BCL6: variants seen among roughly 807,000 people sequenced by gnomAD.
The protein encoded by BCL6 is BCL6 transcription repressor.
Under a neutral mutation model 59.5 loss-of-function variants are expected in BCL6, and 7 were observed. That is an observed-to-expected ratio of 0.12 (90% CI 0.07 to 0.22). The LOEUF (loss-of-function observed/expected upper bound fraction) is 0.22. BCL6 is among the 10% of genes least tolerant of loss of function. The probability of loss-of-function intolerance (pLI) is 1.00; values close to 1 mark genes in which losing one functional copy is unlikely to be tolerated. For synonymous variants in BCL6, 339 were observed against 349.7 expected, an observed-to-expected ratio of 0.97 and a Z score of 0.34; for missense variants, 685 against 939.4, an observed-to-expected ratio of 0.73 and a Z score of 3.54.
Position 187,724,939 on chromosome 3 carries a change from A to T in BCL6, c.1977+2T>A, listed in dbSNP as rs1219499986. 1 of 1,614,148 alleles carries T rather than the reference A, an allele frequency of 6.2e-7. No homozygotes were observed. On this transcript the variant is annotated splice_donor_variant, in intron 9 of 9. Coordinates refer to ENST00000406870, the MANE Select transcript of BCL6 (RefSeq NM_001706.5). LOFTEE classifies it high-confidence loss of function. Reference sequence around the variant, plus strand: ...GAGAGCGGCCTCAAGAGGCTTACGTACATGGTAAGGTTTCTCTCCTGTGTG... The same window carrying T: ...GAGAGCGGCCTCAAGAGGCTTACGTTCATGGTAAGGTTTCTCTCCTGTGTG...
intron 2 of BCL6, chr3:187,734,358 A>C (rs1332807565): frequency 6.5e-6 from 1 of 154,496 alleles, no homozygotes; most frequent in East Asian, 1.9e-4. Flanking sequence ...CTGTGTTTTA[A>C]GATTATCAGG....
At chr3:187,739,117 C>T (rs936917360) in intron 1 of BCL6, among the ~76,000 whole-genome samples, 1 of 152,210 alleles carries the variant, frequency 6.6e-6, no homozygotes, top group African/African-American at 2.4e-5. Context: ...CCCTTCCCCC[C>T]TCCTCTCCAG....
At chr3:187,730,155 G>A in intron 4 of BCL6, 134 bp from the exon 5 acceptor site, 2 of 1,251,122 alleles carry the variant, frequency 1.6e-6, no homozygotes, top group South Asian at 1.8e-5. Flanking sequence ...CTGGAGCAGG[G>A]AACCACAATT....
chr3:187,742,320 A>G (rs1711636895), intron 1 of BCL6, among the ~76,000 whole-genome samples: 1 of 152,126 alleles, frequency 6.6e-6, no homozygotes, highest in African/African-American at 2.4e-5. Flanking sequence ...CGTGGCTACC[A>G]TTTACTCAAC....
rs1020828615 is a variant in BCL6, at chr3:187,725,397, G to A, written c.1839+102C>T. The A allele has an allele frequency of 1.2e-4, 185 of 1,539,722 alleles. No individual in the cohort carries two copies. The highest frequency in any genetic ancestry group is 4.7e-4 in the Middle Eastern group (2 of 4,222). ...ACCTGCCCGCTCCGCTTGCCTGCCCGCTCCACTTGCCTGCCCACTCCTCCG... is the reference window on the plus strand; with the variant it reads ...ACCTGCCCGCTCCGCTTGCCTGCCCACTCCACTTGCCTGCCCACTCCTCCG... On this transcript the variant is annotated intron_variant, in intron 8 of 9. Transcript: ENST00000406870. The surrounding 1 kb of genome is among the most constrained non-coding windows in gnomAD (Gnocchi z 4.7).
intron 1 of BCL6, 125 bp downstream of exon 1, chr3:187,745,285 G>C (rs552118950): frequency 2.5e-6 from 1 of 398,092 alleles, no homozygotes; most frequent in Non-Finnish European, 4.4e-6. Context: ...TGGCAAGAGC[G>C]GAAAAAAAAA....
intron 1 of BCL6, among the ~76,000 whole-genome samples, chr3:187,735,823 T>G (rs75773691): frequency 0.073 from 11,145 of 151,940 alleles, 441 homozygotes; most frequent in East Asian, 0.093. Flanking sequence ...ATATTTGAAC[T>G]GTCTTCCCCC....
chr3:187,723,695 T>C (rs960592239), intron 9 of BCL6, among the ~76,000 whole-genome samples: 8 of 152,330 alleles, frequency 5.3e-5, no homozygotes, highest in African/African-American at 7.2e-5. Context: ...CTCTCTGGTC[T>C]TGGGAGACAT....
intron 1 of BCL6, among the ~76,000 whole-genome samples, chr3:187,735,250 A>G (rs1719233204): frequency 6.6e-6 from 1 of 152,240 alleles, no homozygotes; most frequent in Admixed American, 6.5e-5. Context: ...AAAAATAAGA[A>G]AAATGGTTCT....
chr3:187,724,685 C>T (rs1164954678), intron 9 of BCL6: 7 of 500,162 alleles, frequency 1.4e-5, no homozygotes, highest in Non-Finnish European at 2.5e-5. Flanking sequence ...TCCTAAGGCC[C>T]AGATCACCTA....
At chr3:187,744,857 C>T (rs566758639) in intron 1 of BCL6, among the ~76,000 whole-genome samples, 6 of 152,182 alleles carry the variant, frequency 3.9e-5, no homozygotes, top group South Asian at 4.2e-4. Flanking sequence ...AAAAACACAG[C>T]CGCACGAATC....
chr3:187,745,228 A>G (rs577316597), intron 1 of BCL6, among the ~76,000 whole-genome samples, 182 bp downstream of exon 1: 3 of 152,258 alleles, frequency 2.0e-5, no homozygotes, highest in East Asian at 1.9e-4. Context: ...ATAAATATAT[A>G]CATTTATATC....
rs576953154 is a variant in BCL6, at chr3:187,744,375, G to C, written c.-50+1035C>G. ...CCATCAGTCTCTCTCCTCGGGATGA[G>C]CAGGGAGAGCGCGCGGAGGTTCCCG... On this transcript the variant is annotated intron_variant, in intron 1 of 9. Transcript: ENST00000406870. Among the ~76,000 whole-genome samples, 9 of 151,242 alleles carry C rather than the reference G, an allele frequency of 6.0e-5. No homozygotes were observed. The South Asian group carries it at 6.3e-4, about 11-fold the overall frequency.
At chr3:187,726,969 C>G in intron 6 of BCL6, 71 bp from the exon 7 acceptor site, 1 of 1,532,580 alleles carries the variant, frequency 6.5e-7, no homozygotes, top group South Asian at 1.2e-5. Context: ...GGCCGCTCTC[C>G]TCTGTAGCTA....
intron 1 of BCL6, 115 bp downstream of exon 1, chr3:187,745,295 A>T (rs1711897016): frequency 5.0e-6 from 2 of 398,916 alleles, no homozygotes; most frequent in African/African-American, 2.1e-5. Flanking sequence ...GGAAAAAAAA[A>T]GAATTAAAAG....
At chr3:187,744,842 AG>A (rs1434153656) in intron 1 of BCL6, among the ~76,000 whole-genome samples, 1 of 152,200 alleles carries the variant, frequency 6.6e-6, no homozygotes, top group Admixed American at 6.5e-5. Context: ...GCGAGAAAAG[AG>A]GGAAAAAACA....
chr3:187,725,293 C>CTGCCCGCTCTGCTCACA lies in BCL6; in HGVS notation c.1839+205_1839+206insTGTGAGCAGAGCGGGCA, dbSNP rs1718622989. Among the ~76,000 whole-genome samples, 1 of 149,360 alleles carries CTGCCCGCTCTGCTCACA rather than the reference C, an allele frequency of 6.7e-6. No homozygotes were observed. Among genetic ancestry groups the CTGCCCGCTCTGCTCACA allele is most frequent in the Admixed American group, 6.6e-5 (1 of 15,090 alleles). On this transcript the variant is annotated intron_variant, in intron 8 of 9. Transcript: ENST00000406870. The surrounding 1 kb of genome is among the most constrained non-coding windows in gnomAD (Gnocchi z 4.7). ...CTGCTCACCTACCCGCTCTGCTCAC[C>CTGCCCGCTCTGCTCACA]TGCCCGCTCTGCTCACCTGCCCGCT...
At chr3:187,745,122 A>C (rs182227647) in intron 1 of BCL6, among the ~76,000 whole-genome samples, 2 of 152,182 alleles carry the variant, frequency 1.3e-5, no homozygotes, top group South Asian at 2.1e-4. Context: ...AAAGACAACA[A>C]TAATAATAAT....
At position 187,728,483 on chromosome 3, in the gene BCL6, G is replaced by T. The variant is rs752840713; in HGVS notation, c.1417C>A (p.Pro473Thr). ...TGAGAGCCGCAGGACGTGCACTTCG[G>T]GGGGTGCATGTAGAGTGGTGAGTGG... is the stretch of plus-strand genomic sequence containing the variant. ...ESHSPLYMHPPKCTSCGSQSP... is the reference protein window; with the variant it reads ...ESHSPLYMHPTKCTSCGSQSP... Residue 473 changes from proline (P) to threonine (T), a missense_variant, in exon 6 of 10, where the codon CCG (proline) becomes ACG (threonine). Coordinates refer to ENST00000406870, the MANE Select transcript of BCL6 (RefSeq NM_001706.5). 5.0e-6 allele frequency: 8 copies of T among 1,612,028 alleles called. No individual in the cohort carries two copies. In the South Asian group the frequency reaches 6.6e-5, roughly 13 times the overall value.
Sources: allele counts gnomAD v4.1 joint callset (sites outside exome capture counted in the v4.1 genomes callset), GRCh38; gene constraint gnomAD v4.1.1; non-coding constraint Gnocchi (gnomAD v3.1); transcripts MANE v1.5; gene names NCBI Gene and HGNC (gene_info 2026-07-23, HGNC 2026-07-21).